SDK1: variants seen among roughly 807,000 people sequenced by gnomAD.
SDK1 encodes protein sidekick-1.
In SDK1, 157 loss-of-function variants were observed where a neutral mutation model predicts 245.5. The observed-to-expected ratio is 0.64, with a 90% CI of 0.56 to 0.73. The LOEUF (loss-of-function observed/expected upper bound fraction) is 0.73, where lower values mean the gene tolerates loss of function less well. SDK1 is among the 30% of genes least tolerant of loss of function. The pLI, the probability that SDK1 is intolerant of heterozygous loss-of-function variation, is 0.00. For synonymous variants in SDK1, 1,647 were observed against 1,278.5 expected (o/e 1.29, Z -6.15); for missense variants, 3,583 against 3,002.3 (o/e 1.19, Z -4.52).
At chr7:3,327,846 C>T (rs1779972858) in intron 1 of SDK1, among the ~76,000 whole-genome samples, 3 of 152,062 alleles carry the variant, frequency 2.0e-5, no homozygotes, top group Admixed American at 1.3e-4. Flanking sequence ...AATTACCCAT[C>T]GAAAACTCAT....
intron 1 of SDK1, among the ~76,000 whole-genome samples, chr7:3,392,265 T>A (rs956847695): frequency 2.6e-5 from 4 of 152,276 alleles, no homozygotes; most frequent in Admixed American, 1.3e-4. Context: ...TTCTTAGAAA[T>A]GTATCATTAT....
intron 1 of SDK1, among the ~76,000 whole-genome samples, chr7:3,615,502 C>CA (rs1781737834): frequency 6.6e-6 from 1 of 151,764 alleles, no homozygotes; most frequent in Non-Finnish European, 1.5e-5. Context: ...CAGCATCTAA[C>CA]ACTTTACTGC....
chr7:3,603,335 G>C (rs557268818), intron 1 of SDK1, among the ~76,000 whole-genome samples: 8 of 150,246 alleles, frequency 5.3e-5, no homozygotes, highest in African/African-American at 1.5e-4. Flanking sequence ...TCTTCCATTT[G>C]TTTGTATCCT....
At chr7:4,044,154 T>C (rs1375230452) in intron 17 of SDK1, among the ~76,000 whole-genome samples, 1 of 152,160 alleles carries the variant, frequency 6.6e-6, no homozygotes, top group Non-Finnish European at 1.5e-5. Context: ...TGCCTCTCAT[T>C]CAGTTGGGAA....
At position 3,873,784 on chromosome 7, in the gene SDK1, A is replaced by C. The variant is rs1286329550; in HGVS notation, c.847+52201A>C. ...TTTCTGATTTCTATCATTTCCATTTAATTCTTTTTCACTTAATTATTTTTA... is the reference window on the plus strand; with the variant it reads ...TTTCTGATTTCTATCATTTCCATTTCATTCTTTTTCACTTAATTATTTTTA... On this transcript the variant is annotated intron_variant, in intron 5 of 44. Coordinates refer to ENST00000404826, the MANE Select transcript of SDK1 (RefSeq NM_152744.4). Among the ~76,000 whole-genome samples, 5 of 152,072 alleles carry C rather than the reference A, an allele frequency of 3.3e-5. No homozygotes were observed. The East Asian group carries it at 9.6e-4, about 29-fold the overall frequency.
chr7:3,642,482 G>T (rs953096878), intron 4 of SDK1, among the ~76,000 whole-genome samples: 144 of 151,760 alleles, frequency 9.5e-4, no homozygotes, highest in Non-Finnish European at 9.9e-4. Context: ...GTGCTGTGGG[G>T]TTTTTTTTCC....
chr7:4,157,341 GGAAGAAGGAAGGAAAGTGGGA>G (rs1780799001), intron 30 of SDK1, among the ~76,000 whole-genome samples: 1 of 139,176 alleles, frequency 7.2e-6, no homozygotes, highest in African/African-American at 2.8e-5. Context: ...GGGAGAGAAG[GGAAGAAGGAAGGAAAGTGGGA>G]AGGGAGGAAG....
intron 1 of SDK1, among the ~76,000 whole-genome samples, chr7:3,601,634 T>C (rs1476121678): frequency 2.6e-5 from 4 of 151,884 alleles, no homozygotes; most frequent in Admixed American, 6.5e-5. Flanking sequence ...TCAGTTTTTT[T>C]CTCAAAGATC....
At chr7:4,086,598 C>G (rs760903066) in intron 22 of SDK1, among the ~76,000 whole-genome samples, 15 of 152,142 alleles carry the variant, frequency 9.9e-5, no homozygotes, top group Non-Finnish European at 1.6e-4. Flanking sequence ...AGGTCAAGTC[C>G]TCTCAGACTC....
chr7:3,459,428 G>A (rs1780769432), intron 1 of SDK1, among the ~76,000 whole-genome samples: 1 of 152,122 alleles, frequency 6.6e-6, no homozygotes, highest in African/African-American at 2.4e-5. Flanking sequence ...TATAGTGCTG[G>A]ATGTAGCCAC....
chr7:3,560,144 G>A (rs1249369709), intron 1 of SDK1, among the ~76,000 whole-genome samples: 1 of 152,180 alleles, frequency 6.6e-6, no homozygotes, highest in Admixed American at 6.5e-5. Flanking sequence ...CATAGAGATT[G>A]TTTTAAATGT....
chr7:3,637,088 T>C (rs2614963), intron 2 of SDK1, among the ~76,000 whole-genome samples: 83,690 of 140,028 alleles, frequency 0.6, 24,231 homozygotes, highest in East Asian at 0.69. Flanking sequence ...CGTGCGCGCG[T>C]GTGTGTGTGT....
chr7:3,865,985 A>C (rs1780812160), intron 5 of SDK1, among the ~76,000 whole-genome samples: 1 of 152,248 alleles, frequency 6.6e-6, no homozygotes, highest in Admixed American at 6.5e-5. Context: ...CTGCTGGTAC[A>C]CAGATCAGAA....
In SDK1 at chr7:3,716,441, C is replaced by T. The variant is rs146012066; in HGVS notation, c.713+74336C>T. ...TGTCAACCATGAATTCTGTATTTGG[C>T]AAAAATATCATTCAAGTATGAGGGG... On this transcript the variant is annotated intron_variant, in intron 4 of 44. Transcript: ENST00000404826. Among the ~76,000 whole-genome samples the T allele has an allele frequency of 3.8e-3, 572 of 152,188 alleles. 6 individuals are homozygous for T. The highest frequency in any genetic ancestry group is 0.013 in the African/African-American group (541 of 41,540).
At chr7:3,333,860 A>T (rs761322716) in intron 1 of SDK1, among the ~76,000 whole-genome samples, 5 of 152,338 alleles carry the variant, frequency 3.3e-5, no homozygotes, top group Non-Finnish European at 4.4e-5. Context: ...CTAGAGTATA[A>T]TTCCCAAGGC....
chr7:4,239,005 C>G (rs138959956), intron 42 of SDK1, among the ~76,000 whole-genome samples: 5 of 152,298 alleles, frequency 3.3e-5, no homozygotes, highest in African/African-American at 1.2e-4. Flanking sequence ...CATGGCATAG[C>G]TCTTCTCACC....
chr7:3,887,684 C>T (rs1470530192), intron 5 of SDK1, among the ~76,000 whole-genome samples: 1 of 152,158 alleles, frequency 6.6e-6, no homozygotes, highest in African/African-American at 2.4e-5. Context: ...GATGATTATT[C>T]TCTATGTTCT....
chr7:3,456,968 A>G (rs533418705), intron 1 of SDK1, among the ~76,000 whole-genome samples: 1 of 152,218 alleles, frequency 6.6e-6, no homozygotes, highest in Non-Finnish European at 1.5e-5. Context: ...TCTGCTGCCG[A>G]TAGGACTCCC....
intron 1 of SDK1, among the ~76,000 whole-genome samples, chr7:3,453,247 G>T (rs1033694333): frequency 6.6e-6 from 1 of 152,164 alleles, no homozygotes; most frequent in Non-Finnish European, 1.5e-5. Flanking sequence ...TTAAACAATG[G>T]CTCTAGAACT....
Sources: gnomAD v4.1 joint callset for allele counts (sites outside exome capture counted in the v4.1 genomes callset) on GRCh38, gnomAD v4.1.1 for gene constraint, MANE v1.5 for transcripts, NCBI Gene and HGNC (gene_info 2026-07-23, HGNC 2026-07-21) for gene names.